Variants in TRPM3 observed in about 807,000 individuals in gnomAD.
TRPM3 encodes the protein long transient receptor potential channel 3.
In TRPM3, 77 loss-of-function variants were observed where a neutral mutation model predicts 181.2. The ratio of observed to expected loss-of-function variants is 0.42; its 90% confidence interval spans 0.35 to 0.51. The LOEUF (loss-of-function observed/expected upper bound fraction) is 0.51, where lower values mean the gene tolerates loss of function less well. Among genes scored for constraint, TRPM3 ranks in the 20% least tolerant of loss-of-function variants. TRPM3 has a pLI of 0.01. For missense variants in TRPM3, 1,759 were observed against 2,196.7 expected (o/e 0.80, Z 3.98); for synonymous variants, 745 against 796.4 (o/e 0.94, Z 1.09).
intron 1 of TRPM3, among the ~76,000 whole-genome samples, chr9:71,290,461 T>C (rs1472851214): frequency 2.6e-5 from 4 of 152,122 alleles, no homozygotes; most frequent in East Asian, 1.9e-4. Context: ...GTTCCAATAA[T>C]TGAATGTCCA....
At chr9:71,355,333 A>C (rs2132692222) in intron 1 of TRPM3, among the ~76,000 whole-genome samples, 1 of 152,332 alleles carries the variant, frequency 6.6e-6, no homozygotes, top group East Asian at 1.9e-4. Flanking sequence ...TAAGAGGGAA[A>C]TTTGGATACA....
chr9:70,926,515 T>C (rs1456268854), intron 1 of TRPM3, among the ~76,000 whole-genome samples: 1 of 152,132 alleles, frequency 6.6e-6, no homozygotes, highest in Non-Finnish European at 1.5e-5. Context: ...GGAAGATATA[T>C]AACAAATGTT....
intron 1 of TRPM3, among the ~76,000 whole-genome samples, chr9:71,097,473 T>C (rs901180698): frequency 6.6e-6 from 1 of 152,138 alleles, no homozygotes; most frequent in Non-Finnish European, 1.5e-5. Flanking sequence ...TATACGTACA[T>C]TTTTTAGTTT....
At chr9:71,169,122 C>T (rs1476309959) in intron 1 of TRPM3, among the ~76,000 whole-genome samples, 1 of 152,196 alleles carries the variant, frequency 6.6e-6, no homozygotes, top group East Asian at 1.9e-4. Context: ...GTCATCATTG[C>T]TAAGTTCCAG....
intron 1 of TRPM3, among the ~76,000 whole-genome samples, chr9:71,251,995 C>T (rs72733870): frequency 1.2e-4 from 18 of 152,092 alleles, no homozygotes; most frequent in Non-Finnish European, 7.4e-5. Flanking sequence ...TTAATATAAC[C>T]ACTTCCAGTT....
intron 1 of TRPM3, among the ~76,000 whole-genome samples, chr9:70,928,420 G>T (rs1237658463): frequency 6.6e-6 from 1 of 152,086 alleles, no homozygotes; most frequent in African/African-American, 2.4e-5. Flanking sequence ...TTGACCCTCT[G>T]GCCACAGTGT....
chr9:70,607,050 C>G (rs941562086), intron 19 of TRPM3, among the ~76,000 whole-genome samples: 2 of 152,114 alleles, frequency 1.3e-5, no homozygotes, highest in East Asian at 3.9e-4. Context: ...AATTTGAATC[C>G]TCTCCAGATG....
intron 1 of TRPM3, among the ~76,000 whole-genome samples, chr9:71,070,801 G>A (rs11142683): frequency 0.031 from 4,732 of 152,206 alleles, 125 homozygotes; most frequent in Non-Finnish European, 0.05. Flanking sequence ...TTTTCTCATC[G>A]TATCTGCAGC....
At chr9:70,760,761 T>A (rs1192736798) in intron 8 of TRPM3, 1 of 151,836 alleles carries the variant, frequency 6.6e-6, no homozygotes, top group East Asian at 1.9e-4. Flanking sequence ...CCTGGGGGCA[T>A]CTACCCAGAG....
At chr9:71,254,321 G>A (rs1306040876) in intron 1 of TRPM3, among the ~76,000 whole-genome samples, 2 of 152,176 alleles carry the variant, frequency 1.3e-5, no homozygotes, top group Non-Finnish European at 2.9e-5. Context: ...TAGACGAAAA[G>A]AGTAGAACAG....
chr9:71,059,327 A>G (rs1591063805), intron 1 of TRPM3, among the ~76,000 whole-genome samples: 1 of 152,002 alleles, frequency 6.6e-6, no homozygotes, highest in East Asian at 1.9e-4. Context: ...AATGCAAACA[A>G]GTCAGTATAG....
At chr9:71,297,282 A>T (rs562843234) in intron 1 of TRPM3, among the ~76,000 whole-genome samples, 1 of 151,908 alleles carries the variant, frequency 6.6e-6, no homozygotes, top group African/African-American at 2.4e-5. Context: ...GTTGTGAAGA[A>T]CTCACGATAT....
chr9:71,301,606 A>G (rs1388482279), intron 1 of TRPM3, among the ~76,000 whole-genome samples: 1 of 152,160 alleles, frequency 6.6e-6, no homozygotes, highest in East Asian at 1.9e-4. Context: ...TATATCTTTT[A>G]AAGATATCAC....
chr9:70,679,709 T>C (rs1414693823), intron 9 of TRPM3, among the ~76,000 whole-genome samples: 1 of 152,212 alleles, frequency 6.6e-6, no homozygotes, highest in Non-Finnish European at 1.5e-5. Context: ...AATCTGGTAA[T>C]TGAACTATTG....
At chr9:71,061,118 T>C (rs560665715) in intron 1 of TRPM3, among the ~76,000 whole-genome samples, 2 of 152,046 alleles carry the variant, frequency 1.3e-5, no homozygotes, top group Admixed American at 6.5e-5. Flanking sequence ...CCGTGTACAA[T>C]AAGACTCTGA....
At chr9:71,317,088 G>T (rs1189768122) in intron 1 of TRPM3, among the ~76,000 whole-genome samples, 3 of 152,092 alleles carry the variant, frequency 2.0e-5, no homozygotes, top group Non-Finnish European at 2.9e-5. Flanking sequence ...TTCATAAGAT[G>T]TCAAGGATGT....
At chr9:71,002,250 A>G (rs1369029328) in intron 1 of TRPM3, among the ~76,000 whole-genome samples, 1 of 152,232 alleles carries the variant, frequency 6.6e-6, no homozygotes, top group African/African-American at 2.4e-5. Flanking sequence ...AAATCACTTC[A>G]TCATGGAAGC....
intron 7 of TRPM3, chr9:70,776,047 C>T (rs2081293265): frequency 6.0e-6 from 1 of 168,064 alleles, no homozygotes; most frequent in South Asian, 2.0e-4. Context: ...CGATACATCT[C>T]CTCAACTCGT....
In TRPM3 at chr9:71,212,439, A is replaced by G. The variant is rs577628555; in HGVS notation, c.183+234214T>C. Among the ~76,000 whole-genome samples, 21 of 140,112 alleles carry G rather than the reference A, an allele frequency of 1.5e-4. No homozygotes were observed. The Middle Eastern group carries it at 0.014, about 93-fold the overall frequency. 91.9% of individuals were successfully genotyped at this position (140,112 alleles called of 152,430 possible). ...TTATTGGTGTTTCCTTGAGTTTGTTAATCAGTATTATATGAAAAAAAAGTT... is the reference window on the plus strand; with the variant it reads ...TTATTGGTGTTTCCTTGAGTTTGTTGATCAGTATTATATGAAAAAAAAGTT... On this transcript the variant is annotated intron_variant, in intron 1 of 24. Transcript: ENST00000357533.
Sources: gnomAD v4.1 joint callset for allele counts (sites outside exome capture counted in the v4.1 genomes callset) on GRCh38, gnomAD v4.1.1 for gene constraint, MANE v1.5 for transcripts, NCBI Gene and HGNC (gene_info 2026-07-23, HGNC 2026-07-21) for gene names.